The following HELZ variants were observed in gnomAD, a reference collection of about 807,000 sequenced individuals.
The protein encoded by HELZ is helicase with zinc finger, also known as ATP-dependent RNA helicase with zinc finger domain.
Under a neutral mutation model 218.2 loss-of-function variants are expected in HELZ, and 23 were observed. The ratio of observed to expected loss-of-function variants is 0.11; its 90% CI spans 0.08 to 0.15. HELZ has a LOEUF of 0.15. Ranked by LOEUF, HELZ falls within the 10% of genes least tolerant of loss-of-function variation. The pLI is 1.00. For synonymous variants in HELZ, 814 were observed against 829.4 expected (o/e 0.98, Z 0.32); for missense variants, 1,813 against 2,353.7 (o/e 0.77, Z 4.75).
At chr17:67,244,946 T>G (rs998212231) in intron 1 of HELZ, 2 of 985,800 alleles carry the variant, frequency 2.0e-6, no homozygotes, top group Non-Finnish European at 2.4e-6. Context: ...GAAGAAGCTG[T>G]AAACAGCCCC....
intron 3 of HELZ, among the ~76,000 whole-genome samples, chr17:67,223,709 G>A (rs1424258607): frequency 1.3e-5 from 2 of 151,954 alleles, no homozygotes; most frequent in African/African-American, 4.8e-5. Context: ...CTGAGATTGC[G>A]CCATTGCACT....
intron 30 of HELZ, 87 bp from the exon 31 acceptor site, chr17:67,107,772 C>A: frequency 2.6e-6 from 3 of 1,176,008 alleles, no homozygotes; most frequent in East Asian, 2.4e-5. Flanking sequence ...GTATTTTCAA[C>A]AAACAAAATC....
chr17:67,107,544 T>C lies in HELZ; in HGVS notation c.4866A>G (p.Pro1622=). 6.2e-7 allele frequency: 1 copy of C among 1,614,144 alleles called. No individual in the cohort carries two copies. The change falls in exon 31 of 33, where the codon CCA becomes CCG. Residue 1622 remains proline, a synonymous_variant. Coordinates refer to ENST00000358691, the MANE Select transcript of HELZ (RefSeq NM_014877.4). The part of the protein sequence containing the change: ...SRSPPAVPSP[P]SSTDHSSHFS... ...AGTGGCTACTGTGGTCTGTACTGGA[T>C]GGGGGAGATGGGACTGCTGGTGGGC...
chr17:67,177,005 G>T (rs1187194697), intron 13 of HELZ, among the ~76,000 whole-genome samples: 1 of 149,030 alleles, frequency 6.7e-6, no homozygotes, highest in African/African-American at 2.5e-5. Context: ...TTGAAACAGG[G>T]TCTCTCTTTC....
intron 23 of HELZ, 96 bp downstream of exon 23, chr17:67,135,874 T>G (rs995965821): frequency 5.0e-5 from 50 of 1,003,954 alleles, no homozygotes; most frequent in Non-Finnish European, 6.9e-5. Context: ...AAACCTGTTT[T>G]TAATTAGCCA....
intron 24 of HELZ, among the ~76,000 whole-genome samples, chr17:67,127,841 CAA>C (rs5821488): frequency 7.6e-5 from 9 of 117,892 alleles, no homozygotes; most frequent in Admixed American, 1.8e-4. Context: ...GATCCCCTCT[CAA>C]AAAAAAAAAA....
intron 9 of HELZ, among the ~76,000 whole-genome samples, chr17:67,190,643 G>A (rs1162870826): frequency 6.6e-6 from 1 of 152,152 alleles, no homozygotes; most frequent in Non-Finnish European, 1.5e-5. Context: ...CTGAAAAGTA[G>A]CTTCCTTGGT....
chr17:67,098,083 T>C (rs2036803725), intron 31 of HELZ, among the ~76,000 whole-genome samples: 1 of 152,232 alleles, frequency 6.6e-6, no homozygotes, highest in Non-Finnish European at 1.5e-5. Context: ...AGGCAAATTT[T>C]ACACAACTGA....
At chr17:67,165,421 G>A (rs2039114686) in intron 15 of HELZ, among the ~76,000 whole-genome samples, 1 of 152,124 alleles carries the variant, frequency 6.6e-6, no homozygotes, top group South Asian at 2.1e-4. Flanking sequence ...TCGGCCAGCT[G>A]AACGTCAACA....
intron 13 of HELZ, among the ~76,000 whole-genome samples, chr17:67,171,304 TAAACTCAGTATATGCA>T (rs569365424): frequency 1.2e-3 from 188 of 152,318 alleles, no homozygotes; most frequent in African/African-American, 3.5e-3. Context: ...ACATGCCCTT[TAAACTCAGTATATGCA>T]AAACTGACTA....
At chr17:67,185,888 A>G (rs2039740317) in intron 12 of HELZ, among the ~76,000 whole-genome samples, 1 of 152,228 alleles carries the variant, frequency 6.6e-6, no homozygotes, top group Non-Finnish European at 1.5e-5. Flanking sequence ...ATCCTTGTCT[A>G]TATAAATCCT....
intron 32 of HELZ, among the ~76,000 whole-genome samples, chr17:67,086,039 T>A (rs1268829246): frequency 6.6e-6 from 1 of 152,198 alleles, no homozygotes; most frequent in Non-Finnish European, 1.5e-5. Context: ...GTCTCTCTCG[T>A]GGCCAAACTC....
chr17:67,201,546 A>G (rs1309566151), intron 6 of HELZ, among the ~76,000 whole-genome samples: 5 of 152,190 alleles, frequency 3.3e-5, no homozygotes, highest in African/African-American at 4.8e-5. Flanking sequence ...CCTAAGATTA[A>G]TAAGTTTGTA....
intron 32 of HELZ, among the ~76,000 whole-genome samples, chr17:67,085,452 G>A (rs970012985): frequency 6.6e-6 from 1 of 152,018 alleles, no homozygotes; most frequent in Non-Finnish European, 1.5e-5. Flanking sequence ...AAAGCAACCC[G>A]AGGCAAAATA....
rs148412839 is a variant in HELZ at position 67,082,967 on chromosome 17, C to T, written c.5494+3862G>A. Among the ~76,000 whole-genome samples the T allele has an allele frequency of 1.1e-3, 167 of 151,632 alleles. 1 individual carries two copies. The highest frequency in any genetic ancestry group is 3.9e-3 in the African/African-American group (161 of 41,300). ...CACCTCCTGGGTTCAAGTGATTCTC[C>T]TGCCTCAGCCTCCCAAGTAGCTGGG... On this transcript the variant is annotated intron_variant, in intron 32 of 32. Coordinates refer to ENST00000358691, the MANE Select transcript of HELZ (RefSeq NM_014877.4).
intron 22 of HELZ, among the ~76,000 whole-genome samples, chr17:67,136,849 C>T (rs1254148095): frequency 6.6e-6 from 1 of 152,080 alleles, no homozygotes; most frequent in African/African-American, 2.4e-5. Context: ...CAAAAAAGTT[C>T]TGGAGATGAA....
intron 28 of HELZ, 110 bp from the exon 29 acceptor site, chr17:67,109,796 C>A: frequency 2.7e-6 from 2 of 741,872 alleles, no homozygotes; most frequent in Non-Finnish European, 4.3e-6. Flanking sequence ...TGATATCTTC[C>A]AGCAGGAGAG....
In HELZ at chr17:67,128,695, G is replaced by C. The variant is rs1239053689; in HGVS notation, c.3343C>G (p.Gln1115Glu). ...PEFIPRALRL[Q>E]HSGSTNKQQQ... ...TGTTTGTTGGTACTTCCTGAATGCT[G>C]CAGTCTTAGAGCCCGGGGGATAAAT... The change falls in exon 24 of 33, where the codon CAG becomes GAG. Residue 1115 changes from glutamine to glutamate, a missense_variant. Around this residue, in one of 4 missense-constraint regions of HELZ, gnomAD observed 938 missense variants for 1,027.5 expected, o/e 0.91. Transcript: ENST00000358691. 6.2e-7 allele frequency: 1 copy of C among 1,614,126 alleles called. No individual in the cohort carries two copies. The highest frequency in any genetic ancestry group is 1.3e-5 in the African/African-American group (1 of 75,036).
intron 5 of HELZ, among the ~76,000 whole-genome samples, chr17:67,214,000 C>A (rs2040524707): frequency 6.6e-6 from 1 of 152,168 alleles, no homozygotes; most frequent in Non-Finnish European, 1.5e-5. Context: ...TGTAAAGGCA[C>A]AGAAGACCTT....
Sources: allele counts gnomAD v4.1 joint callset (sites outside exome capture counted in the v4.1 genomes callset), GRCh38; gene constraint gnomAD v4.1.1; regional missense constraint gnomAD v4.1.1; transcripts MANE v1.5; gene names NCBI Gene and HGNC (gene_info 2026-07-23, HGNC 2026-07-21).